ARMC3: variants seen among roughly 807,000 people sequenced by gnomAD.
ARMC3 encodes armadillo repeat-containing protein 3.
Under a neutral mutation model 90.3 loss-of-function variants are expected in ARMC3, and 74 were observed. That is an observed-to-expected ratio of 0.82 (90% CI 0.68 to 0.99). The LOEUF (loss-of-function observed/expected upper bound fraction) is 0.99, where lower values mean the gene tolerates loss of function less well. Among genes scored for constraint, ARMC3 ranks in the 50% least tolerant of loss-of-function variants. The pLI is 0.00. For missense variants in ARMC3, 958 were observed against 1,042.8 expected (o/e 0.92, Z 1.12); for synonymous variants, 334 against 361.8 (o/e 0.92, Z 0.87).
At chr10:22,967,185 A>G (rs1835477373) in intron 7 of ARMC3, among the ~76,000 whole-genome samples, 1 of 152,066 alleles carries the variant, frequency 6.6e-6, no homozygotes, top group Non-Finnish European at 1.5e-5. Flanking sequence ...TAAGGCCTTC[A>G]ACTCATTAGA....
intron 18 of ARMC3, among the ~76,000 whole-genome samples, chr10:23,033,299 G>A (rs990918663): frequency 5.9e-5 from 9 of 151,724 alleles, no homozygotes; most frequent in African/African-American, 2.2e-4. Context: ...CTATGGCGAG[G>A]GCCTCTGCTA....
chr10:22,949,772 T>C lies in ARMC3; in HGVS notation c.166+3511T>C, dbSNP rs145689940. 5.5e-3 allele frequency among the ~76,000 whole-genome samples: 835 copies of C among 152,174 alleles called. 9 individuals carry two copies. The highest frequency in any genetic ancestry group is 0.019 in the African/African-American group (776 of 41,538). ...CCAAAAAAGTTTGTCAAAACCCAAG[T>C]GCAAAGAATATGAAATAAACCATGC... On this transcript the variant is annotated intron_variant, in intron 3 of 18. Transcript: ENST00000298032.
intron 6 of ARMC3, chr10:22,961,431 T>C (rs1417095286): frequency 6.4e-6 from 1 of 157,134 alleles, no homozygotes; most frequent in African/African-American, 2.4e-5. Context: ...ATAAACCCGC[T>C]GTAAATTTGC....
intron 10 of ARMC3, among the ~76,000 whole-genome samples, chr10:22,986,226 T>G (rs1053996062): frequency 5.3e-5 from 8 of 150,934 alleles, no homozygotes; most frequent in African/African-American, 7.3e-5. Context: ...ATAGTAGGCA[T>G]TCGAAGGAAA....
chr10:22,984,866 C>T (rs1458743401), intron 10 of ARMC3, among the ~76,000 whole-genome samples: 1 of 151,086 alleles, frequency 6.6e-6, no homozygotes. Flanking sequence ...TAAAATCTTT[C>T]CTTCTCAACC....
At chr10:22,977,540 G>A (rs971630652) in intron 8 of ARMC3, among the ~76,000 whole-genome samples, 1 of 152,138 alleles carries the variant, frequency 6.6e-6, no homozygotes, top group Admixed American at 6.5e-5. Context: ...GGTCTTGCAG[G>A]TTTCCTCTAT....
At position 23,016,404 on chromosome 10, in the gene ARMC3, G is replaced by C. The variant is rs1034098690; in HGVS notation, c.2045+7473G>C. 2.6e-5 allele frequency among the ~76,000 whole-genome samples: 4 copies of C among 152,258 alleles called. No individual in the cohort carries two copies. The South Asian group carries it at 8.3e-4, about 32-fold the overall frequency. Reference sequence around the variant, plus strand: ...AGCCAAATATTCTATATGTTTACCTGCTCTCCTTTTCATCCACCTATGAAT... The same window carrying C: ...AGCCAAATATTCTATATGTTTACCTCCTCTCCTTTTCATCCACCTATGAAT... On this transcript the variant is annotated intron_variant, in intron 16 of 18. Coordinates refer to ENST00000298032, the MANE Select transcript of ARMC3 (RefSeq NM_173081.5).
At chr10:22,930,256 G>A (rs1422957870) in intron 1 of ARMC3, among the ~76,000 whole-genome samples, 1 of 151,722 alleles carries the variant, frequency 6.6e-6, no homozygotes, top group Non-Finnish European at 1.5e-5. Flanking sequence ...AAGCACCTAA[G>A]GAAGATGTTT....
Position 22,955,874 on chromosome 10 carries a change from T to A in ARMC3, c.234T>A (p.His78Gln). The change falls in exon 4 of 19, where the codon CAT becomes CAA. Residue 78 changes from histidine to glutamine, a missense_variant. Transcript: ENST00000298032. ...AACCTTTAACTAAGCTACTCACCCA[T>A]GAAGACAAAATTGTAAGAAGAAATG... is the stretch of plus-strand genomic sequence containing the variant. Reference protein sequence around the residue: ...AVEPLTKLLTHEDKIVRRNAT... With the variant: ...AVEPLTKLLTQEDKIVRRNAT... The A allele has an allele frequency of 6.2e-7, 1 of 1,613,260 alleles. No individual in the cohort carries two copies. Among genetic ancestry groups the A allele is most frequent in the Non-Finnish European group, 8.5e-7 (1 of 1,179,210 alleles).
chr10:22,986,115 C>G (rs574041475), intron 10 of ARMC3, among the ~76,000 whole-genome samples: 1 of 147,486 alleles, frequency 6.8e-6, no homozygotes, highest in African/African-American at 2.5e-5. Flanking sequence ...TGCACGCCCC[C>G]CCCCCGCGCC....
intron 8 of ARMC3, among the ~76,000 whole-genome samples, chr10:22,978,788 A>G (rs1482725078): frequency 1.3e-5 from 2 of 151,916 alleles, no homozygotes; most frequent in Non-Finnish European, 2.9e-5. Context: ...ATTGCTCCTT[A>G]TACTGTTATT....
chr10:23,026,899 G>T (rs1838736488), intron 16 of ARMC3, among the ~76,000 whole-genome samples: 1 of 152,052 alleles, frequency 6.6e-6, no homozygotes, highest in Non-Finnish European at 1.5e-5. Flanking sequence ...AATTGCTTTT[G>T]CACCTTTGTC....
intron 17 of ARMC3, among the ~76,000 whole-genome samples, chr10:23,032,469 C>T (rs377712069): frequency 3.4e-4 from 52 of 152,160 alleles, no homozygotes; most frequent in African/African-American, 9.6e-4. Context: ...GAAAGAATAA[C>T]GGTATGTTAC....
At chr10:22,958,825 G>C (rs528308118) in intron 4 of ARMC3, among the ~76,000 whole-genome samples, 1 of 152,054 alleles carries the variant, frequency 6.6e-6, no homozygotes, top group East Asian at 1.9e-4. Flanking sequence ...AGGTTCAAGC[G>C]ATTCTCCTGC....
intron 10 of ARMC3, among the ~76,000 whole-genome samples, chr10:22,989,081 G>A (rs1057244200): frequency 1.3e-5 from 2 of 152,210 alleles, no homozygotes; most frequent in East Asian, 3.9e-4. Flanking sequence ...CGATTAGGAG[G>A]ACGTTGGGGG....
In ARMC3 at chr10:22,970,499, G is replaced by A. The variant is rs541347477; in HGVS notation, c.916+2010G>A. On this transcript the variant is annotated intron_variant, in intron 8 of 18. Coordinates refer to ENST00000298032, the MANE Select transcript of ARMC3 (RefSeq NM_173081.5). ...AGAGCCATTGAAGTTACTCAGAAGG[G>A]AGGGAACATCATGGATTTTCACTTG... 2.0e-5 allele frequency among the ~76,000 whole-genome samples: 3 copies of A among 152,346 alleles called. No individual in the cohort carries two copies. In the East Asian group the frequency reaches 5.8e-4, roughly 29 times the overall value.
intron 12 of ARMC3, 56 bp downstream of exon 12, chr10:23,002,111 G>C (rs1046945588): frequency 6.3e-6 from 10 of 1,589,512 alleles, no homozygotes; most frequent in Admixed American, 1.7e-5. Flanking sequence ...AGACGGAGAG[G>C]CACACTCTTT....
In ARMC3 at chr10:23,024,213, G is replaced by A. The variant is rs562220665; in HGVS notation, c.2046-6383G>A. 3.9e-5 allele frequency among the ~76,000 whole-genome samples: 6 copies of A among 152,266 alleles called. No homozygotes were observed. In the South Asian group the frequency reaches 1.2e-3, roughly 32 times the overall value. On this transcript the variant is annotated intron_variant, in intron 16 of 18. Transcript: ENST00000298032. ...GAAAGAAAAGAACTGTCAACCACAA[G>A]TATCTGGTGAAACCATTCTTCAGCA... is the stretch of plus-strand genomic sequence containing the variant.
At chr10:23,008,988 G>A (rs1412781377) in intron 16 of ARMC3, 57 bp downstream of exon 16, 15 of 1,432,250 alleles carry the variant, frequency 1.0e-5, no homozygotes, top group Non-Finnish European at 1.2e-5. Flanking sequence ...AGGGAGGGGT[G>A]GCTCTTCAGT....
Sources: gnomAD v4.1 joint callset for allele counts (sites outside exome capture counted in the v4.1 genomes callset) on GRCh38, gnomAD v4.1.1 for gene constraint, MANE v1.5 for transcripts, NCBI Gene and HGNC (gene_info 2026-07-23, HGNC 2026-07-21) for gene names.